Variants in SYNE2 observed in about 807,000 individuals in gnomAD.
SYNE2 encodes nesprin-2.
Under a neutral mutation model 856.3 loss-of-function variants are expected in SYNE2, and 431 were observed. The observed-to-expected ratio is 0.50, with a 90% confidence interval of 0.47 to 0.55. The LOEUF (loss-of-function observed/expected upper bound fraction) is 0.55. SYNE2 is among the 20% of genes least tolerant of loss of function. SYNE2 has a pLI of 0.00. For missense variants in SYNE2, 8,129 were observed against 8,023.2 expected, an observed-to-expected ratio of 1.01 and a Z score of -0.50; for synonymous variants, 2,923 against 2,872.3, an observed-to-expected ratio of 1.02 and a Z score of -0.56.
At chr14:64,011,228 GA>G in intron 32 of SYNE2, among the ~76,000 whole-genome samples, 1 of 152,180 alleles carries the variant, frequency 6.6e-6, no homozygotes, top group Non-Finnish European at 1.5e-5. Flanking sequence ...GCCCTGTTTA[GA>G]TACCAGCTGT....
At chr14:63,875,402 C>G (rs1356965817) in intron 1 of SYNE2, among the ~76,000 whole-genome samples, 2 of 152,122 alleles carry the variant, frequency 1.3e-5, no homozygotes, top group African/African-American at 2.4e-5. Context: ...TTCCCAAAAC[C>G]CTTTACAGAT....
chr14:63,982,911 T>C, intron 17 of SYNE2, 117 bp downstream of exon 17: 1 of 1,040,506 alleles, frequency 9.6e-7, no homozygotes, highest in Non-Finnish European at 1.4e-6. Flanking sequence ...ACGTAGCCAT[T>C]ACCATAAAAA....
At chr14:63,891,403 A>G (rs1316040269) in intron 1 of SYNE2, among the ~76,000 whole-genome samples, 1 of 152,192 alleles carries the variant, frequency 6.6e-6, no homozygotes, top group Non-Finnish European at 1.5e-5. Context: ...AATGTGTGAT[A>G]TACAGGGGTT....
intron 1 of SYNE2, among the ~76,000 whole-genome samples, chr14:63,891,085 T>C (rs766382042): frequency 6.6e-6 from 1 of 152,192 alleles, no homozygotes; most frequent in Non-Finnish European, 1.5e-5. Context: ...CACGCCCTCA[T>C]GTTAGAATAA....
At chr14:64,176,337 T>A (rs2098435386) in intron 95 of SYNE2, among the ~76,000 whole-genome samples, 2 of 152,246 alleles carry the variant, frequency 1.3e-5, no homozygotes, top group South Asian at 4.1e-4. Context: ...TCTCTGAGCC[T>A]TAGTTTTCCC....
In SYNE2 at chr14:64,190,104, A is replaced by G. The variant is rs1234072932; in HGVS notation, c.17905A>G (p.Asn5969Asp). The G allele has an allele frequency of 1.2e-6, 2 of 1,614,148 alleles. No individual in the cohort carries two copies. The highest frequency in any genetic ancestry group is 2.2e-5 in the South Asian group (2 of 91,076). ...CMEEINLFSENKLQLKQMGDQ... is the reference protein window; with the variant it reads ...CMEEINLFSEDKLQLKQMGDQ... Reference sequence around the variant, plus strand: ...GGAAGAAATAAACTTGTTTAGTGAAAACAAGTTACAGTTAAAGCAGATGGG... The same window carrying G: ...GGAAGAAATAAACTTGTTTAGTGAAGACAAGTTACAGTTAAAGCAGATGGG... Residue 5969 changes from asparagine to aspartate, a missense_variant, in exon 99 of 116, where the codon AAC (asparagine) becomes GAC (aspartate). Transcript: ENST00000555002.
intron 1 of SYNE2, among the ~76,000 whole-genome samples, chr14:63,906,065 T>C (rs2095406394): frequency 6.6e-6 from 1 of 152,200 alleles, no homozygotes; most frequent in Non-Finnish European, 1.5e-5. Context: ...AGATGACATA[T>C]GGTTTTTGCT....
chr14:63,949,726 C>A, intron 6 of SYNE2, 99 bp from the exon 7 acceptor site: 1 of 1,194,754 alleles, frequency 8.4e-7, no homozygotes, highest in Non-Finnish European at 1.2e-6. Context: ...CTATGACTGT[C>A]ACAGGATGCT....
chr14:64,166,169 G>A (rs372366597), intron 90 of SYNE2, among the ~76,000 whole-genome samples: 1 of 152,160 alleles, frequency 6.6e-6, no homozygotes, highest in Admixed American at 6.5e-5. Context: ...AAACTGTGGT[G>A]CACTGTCCAT....
At chr14:64,012,299 A>G (rs1257383363) in intron 32 of SYNE2, among the ~76,000 whole-genome samples, 2 of 151,824 alleles carry the variant, frequency 1.3e-5, no homozygotes, top group East Asian at 3.9e-4. Context: ...CAGCTTCCCA[A>G]CTTCTCACCT....
intron 64 of SYNE2, among the ~76,000 whole-genome samples, chr14:64,104,704 GCCTC>G (rs1359089668): frequency 6.6e-6 from 1 of 151,984 alleles, no homozygotes; most frequent in Non-Finnish European, 1.5e-5. Context: ...ACCTGCCTTG[GCCTC>G]CCAAAGTGCT....
chr14:64,048,283 A>G (rs554410295), intron 46 of SYNE2, 128 bp downstream of exon 46: 65 of 806,546 alleles, frequency 8.1e-5, no homozygotes, highest in African/African-American at 7.0e-5. Flanking sequence ...CTGATGATCA[A>G]TTTGGTAACT....
chr14:63,819,743 A>C (rs922199676), intron 1 of SYNE2, among the ~76,000 whole-genome samples: 2 of 151,686 alleles, frequency 1.3e-5, no homozygotes, highest in Non-Finnish European at 2.9e-5. Flanking sequence ...TCACCGTGTT[A>C]GCCAGGATGG....
chr14:64,055,997 C>CA lies in SYNE2; in HGVS notation c.9799dup (p.Arg3267LysfsTer22). The CA allele has an allele frequency of 6.2e-7, 1 of 1,613,996 alleles. No homozygotes were observed. The highest frequency in any genetic ancestry group is 8.5e-7 in the Non-Finnish European group (1 of 1,179,912). On this transcript the variant is annotated frameshift_variant, in exon 49 of 116. Transcript: ENST00000555002. LOFTEE classifies it high-confidence loss of function. ...TAACACGCTATAAAGAAGCAGTCAC[C>CA]AGGGCAGTGGAGAGCATCACTTCCC...
intron 8 of SYNE2, among the ~76,000 whole-genome samples, chr14:63,960,181 G>A (rs1321979853): frequency 6.6e-6 from 1 of 152,142 alleles, no homozygotes; most frequent in Non-Finnish European, 1.5e-5. Flanking sequence ...TTCAGTTAAA[G>A]ACAGAATAAC....
intron 21 of SYNE2, 110 bp from the exon 22 acceptor site, chr14:63,993,725 C>A: frequency 1.1e-6 from 1 of 943,594 alleles, no homozygotes; most frequent in Non-Finnish European, 1.6e-6. Flanking sequence ...CAGAGAGCAC[C>A]TTCCCACTTT....
intron 2 of SYNE2, among the ~76,000 whole-genome samples, chr14:63,928,135 G>C (rs150771501): frequency 6.6e-6 from 1 of 152,116 alleles, no homozygotes; most frequent in African/African-American, 2.4e-5. Context: ...GAGCTATGAG[G>C]GGGCAAATTT....
At chr14:64,064,271 G>A (rs1027848783) in intron 50 of SYNE2, among the ~76,000 whole-genome samples, 3 of 152,148 alleles carry the variant, frequency 2.0e-5, no homozygotes, top group South Asian at 2.1e-4. Context: ...ACCAAATGAC[G>A]CGTAGGTGGG....
At chr14:64,091,654 C>T (rs1255948) in intron 60 of SYNE2, among the ~76,000 whole-genome samples, 138,829 of 152,150 alleles carry the variant, frequency 0.91, 63,422 homozygotes, top group Non-Finnish European at 0.94. Flanking sequence ...GTTGTGGTGG[C>T]GGTGGTGGTG....
Sources: gnomAD v4.1 joint callset for allele counts (sites outside exome capture counted in the v4.1 genomes callset) on GRCh38, gnomAD v4.1.1 for gene constraint, MANE v1.5 for transcripts, NCBI Gene and HGNC (gene_info 2026-07-23, HGNC 2026-07-21) for gene names.